Variants in CYP2U1 observed in about 807,000 individuals in gnomAD.
CYP2U1 encodes cytochrome P450 family 2 subfamily U member 1.
A neutral mutation model predicts 42.8 loss-of-function variants in CYP2U1; 28 were observed. That is an observed-to-expected ratio of 0.65 (90% CI 0.48 to 0.90). The LOEUF is 0.90. Among genes scored for constraint, CYP2U1 ranks in the 40% least tolerant of loss-of-function variants. The probability of loss-of-function intolerance (pLI) is 0.00; values close to 1 mark genes in which losing one functional copy is unlikely to be tolerated. For synonymous variants in CYP2U1, 296 were observed against 278.9 expected (o/e 1.06, Z -0.61); for missense variants, 642 against 693.8 (o/e 0.93, Z 0.84).
chr4:107,932,835 C>A (rs866860874), intron 1 of CYP2U1, among the ~76,000 whole-genome samples: 1 of 152,346 alleles, frequency 6.6e-6, no homozygotes, highest in Middle Eastern at 3.4e-3. Context: ...CTTGGGGAAG[C>A]CTTTTCTCAC....
At chr4:107,945,656 G>C in intron 2 of CYP2U1, 51 bp downstream of exon 2, 9 of 1,520,340 alleles carry the variant, frequency 5.9e-6, no homozygotes, top group Non-Finnish European at 7.9e-6. Flanking sequence ...TAATTTAAAT[G>C]AGGATTAGCA....
rs1560693485 is a variant in CYP2U1, at chr4:107,931,992, A to ATCT, written c.352_354dup (p.Phe118dup). On this transcript the variant is annotated inframe_insertion, in exon 1 of 5. Coordinates refer to ENST00000332884, the MANE Select transcript of CYP2U1 (RefSeq NM_183075.3). Reference sequence around the variant, plus strand: ...TCACCTAGCCCGCGTGTACGGCAGCATCTTCAGCTTCTTTATCGGCCACTA... The same window carrying ATCT: ...TCACCTAGCCCGCGTGTACGGCAGCATCTTCTTCAGCTTCTTTATCGGCCACTA... 1 of 1,554,440 alleles carries ATCT rather than the reference A, an allele frequency of 6.4e-7. No homozygotes were observed. Among genetic ancestry groups the ATCT allele is most frequent in the Non-Finnish European group, 8.7e-7 (1 of 1,148,868 alleles).
chr4:107,934,909 T>G (rs748688443), intron 1 of CYP2U1, among the ~76,000 whole-genome samples: 1 of 152,236 alleles, frequency 6.6e-6, no homozygotes, highest in Non-Finnish European at 1.5e-5. Flanking sequence ...TTTTTCTCAG[T>G]AAACACTGGC....
chr4:107,947,135 C>T (rs1488531199), intron 2 of CYP2U1, among the ~76,000 whole-genome samples: 1 of 152,148 alleles, frequency 6.6e-6, no homozygotes, highest in African/African-American at 2.4e-5. Context: ...AGTGTTTTCT[C>T]TTTGGCCCCT....
Position 107,950,520 on chromosome 4 carries a change from A to C in CYP2U1, c.*97A>C. 118 of 1,295,462 alleles carry C rather than the reference A, an allele frequency of 9.1e-5. No individual in the cohort carries two copies. Among genetic ancestry groups the C allele is most frequent in the Non-Finnish European group, 1.2e-4 (112 of 968,872 alleles). 80.2% of individuals were successfully genotyped at this position (1,295,462 alleles called of 1,614,324 possible). A position where few individuals can be genotyped will look rare whatever the true frequency, so the allele number is the denominator to read the frequency against. ...CAAAGGACAGTGAATCCAGCAACTCAGTGGATCCAAGCTGGGCTCAGAGGT... is the reference window on the plus strand; with the variant it reads ...CAAAGGACAGTGAATCCAGCAACTCCGTGGATCCAAGCTGGGCTCAGAGGT... On this transcript the variant is annotated 3_prime_UTR_variant, in exon 5 of 5. Transcript: ENST00000332884.
At chr4:107,942,303 T>C (rs1733524063) in intron 1 of CYP2U1, among the ~76,000 whole-genome samples, 1 of 152,092 alleles carries the variant, frequency 6.6e-6, no homozygotes, top group South Asian at 2.1e-4. Flanking sequence ...TGTCTGCACC[T>C]CAGCAAATGC....
chr4:107,950,303 G>A lies in CYP2U1; in HGVS notation c.1515G>A (p.Val505=). 6.2e-7 allele frequency: 1 copy of A among 1,613,964 alleles called. No homozygotes were observed. Among genetic ancestry groups the A allele is most frequent in the Non-Finnish European group, 8.5e-7 (1 of 1,179,968 alleles). The change falls in exon 5 of 5, where the codon GTG becomes GTA. Residue 505 remains valine, a synonymous_variant. Coordinates refer to ENST00000332884, the MANE Select transcript of CYP2U1 (RefSeq NM_183075.3). ...AGATGGAATTATTCCTAATGTTTGT[G>A]AGCCTAATGCAGAGTTTCGCATTTG... The part of the protein sequence containing the change: ...LAKMELFLMF[V]SLMQSFAFAL...
At chr4:107,947,327 G>C (rs771166113) in intron 2 of CYP2U1, 49 bp from the exon 3 acceptor site, 1 of 1,577,856 alleles carries the variant, frequency 6.3e-7, no homozygotes. Flanking sequence ...GGGCACGTTC[G>C]ACTCTGTCCC....
At chr4:107,942,554 A>G (rs1221633922) in intron 1 of CYP2U1, among the ~76,000 whole-genome samples, 2 of 152,210 alleles carry the variant, frequency 1.3e-5, no homozygotes, top group Non-Finnish European at 2.9e-5. Context: ...AATTAAGACA[A>G]TGTGCTTTGA....
chr4:107,940,643 C>G (rs1006304765), intron 1 of CYP2U1: 2 of 151,668 alleles, frequency 1.3e-5, no homozygotes, highest in African/African-American at 4.9e-5. Flanking sequence ...AATGTAAAAG[C>G]TAGTCTTGGC....
Position 107,931,555 on chromosome 4 carries a change from G to A in CYP2U1, c.-89G>A. ...TGCCCGCCCCCGACCTTCCAGAGCA[G>A]AGCAGGACACTGGCGCCGCGGGTCA... On this transcript the variant is annotated 5_prime_UTR_variant, in exon 1 of 5. Transcript: ENST00000332884. The A allele has an allele frequency of 2.5e-6, 3 of 1,188,850 alleles. No individual in the cohort carries two copies. In the South Asian group the frequency reaches 1.3e-4, roughly 50 times the overall value. 73.6% of individuals were successfully genotyped at this position (1,188,850 alleles called of 1,614,324 possible).
chr4:107,947,679 GTC>G, intron 3 of CYP2U1, 142 bp downstream of exon 3: 2 of 828,766 alleles, frequency 2.4e-6, no homozygotes, highest in Non-Finnish European at 3.7e-6. Context: ...GTAATAAAAT[GTC>G]TAGGGAATGT....
At chr4:107,943,625 T>C (rs936516995) in intron 1 of CYP2U1, among the ~76,000 whole-genome samples, 1 of 152,168 alleles carries the variant, frequency 6.6e-6, no homozygotes, top group Non-Finnish European at 1.5e-5. Context: ...AAGATTCCAA[T>C]GAGGAAAGTG....
At chr4:107,942,506 C>T (rs935932509) in intron 1 of CYP2U1, among the ~76,000 whole-genome samples, 17 of 152,252 alleles carry the variant, frequency 1.1e-4, no homozygotes, top group African/African-American at 3.6e-4. Flanking sequence ...ATAAAAATTA[C>T]TATAAAGACT....
rs1464115281 is a variant in CYP2U1 at position 107,952,153 on chromosome 4, G to A, written c.*1730G>A. 2 of 152,174 alleles carry A rather than the reference G, an allele frequency of 1.3e-5. No homozygotes were observed. The highest frequency in any genetic ancestry group is 2.9e-5 in the Non-Finnish European group (2 of 68,040). 9.4% of individuals were successfully genotyped at this position (152,174 alleles called of 1,614,324 possible). The stretch of plus-strand genomic sequence containing the variant: ...TTGTCTTGTGAATGACTTTTAAGAA[G>A]TGTACTTAAGAGAAAAATCCTACCT... On this transcript the variant is annotated 3_prime_UTR_variant, in exon 5 of 5. Coordinates refer to ENST00000332884, the MANE Select transcript of CYP2U1 (RefSeq NM_183075.3).
chr4:107,944,189 A>C (rs1162077873), intron 1 of CYP2U1, among the ~76,000 whole-genome samples: 1 of 152,206 alleles, frequency 6.6e-6, no homozygotes, highest in Non-Finnish European at 1.5e-5. Context: ...GAGCACAATG[A>C]GATATGGTCT....
chr4:107,933,159 T>C (rs181012510), intron 1 of CYP2U1, among the ~76,000 whole-genome samples: 34 of 152,364 alleles, frequency 2.2e-4, no homozygotes, highest in Admixed American at 2.2e-3. Context: ...AAATATTGTA[T>C]GATCCACTTA....
intron 3 of CYP2U1, among the ~76,000 whole-genome samples, chr4:107,948,425 A>G (rs1733787474): frequency 6.6e-6 from 1 of 151,916 alleles, no homozygotes; most frequent in South Asian, 2.1e-4. Flanking sequence ...TTAGCCAGGC[A>G]TGGTGGCACA....
At position 107,945,264 on chromosome 4, in the gene CYP2U1, G is replaced by A; in HGVS notation, c.785G>A (p.Cys262Tyr). The change falls in exon 2 of 5, where the codon TGT (cysteine) becomes TAT (tyrosine). Residue 262 changes from cysteine to tyrosine, a missense_variant. By Grantham distance (194) the Cys-to-Tyr change is radical. Transcript: ENST00000332884. The stretch of plus-strand genomic sequence containing the variant: ...TTTATGTCACGAGGCCTAGAAATCT[G>A]TCTGAACAGTCAAGTCCTCCTGGTC... ...LGFMSRGLEI[C>Y]LNSQVLLVNI... The A allele has an allele frequency of 6.2e-7, 1 of 1,614,068 alleles. No individual in the cohort carries two copies. The highest frequency in any genetic ancestry group is 8.5e-7 in the Non-Finnish European group (1 of 1,180,030).
Sources: allele counts gnomAD v4.1 joint callset (sites outside exome capture counted in the v4.1 genomes callset), GRCh38; gene constraint gnomAD v4.1.1; transcripts MANE v1.5; gene names NCBI Gene and HGNC (gene_info 2026-07-23, HGNC 2026-07-21).